The following WIPI1 variants were observed in gnomAD, a reference collection of about 807,000 sequenced individuals.
WIPI1 encodes WD repeat domain phosphoinositide-interacting protein 1.
WIPI1 carries 45 observed loss-of-function variants against 55.3 expected under a neutral mutation model. The observed-to-expected ratio is 0.81, with a 90% CI of 0.64 to 1.04. The LOEUF is 1.04. Ranked by LOEUF, WIPI1 falls within the 50% of genes least tolerant of loss-of-function variation. WIPI1 has a pLI of 0.00. For synonymous variants in WIPI1, 195 were observed against 217.6 expected, an observed-to-expected ratio of 0.90 and a Z score of 0.92; for missense variants, 445 against 559.0, an observed-to-expected ratio of 0.80 and a Z score of 2.06.
intron 3 of WIPI1, chr17:68,448,304 C>T (rs913624364): frequency 6.6e-6 from 1 of 152,196 alleles, no homozygotes; most frequent in African/African-American, 2.4e-5. Flanking sequence ...ACTTCCCAGA[C>T]CTGTTTCAAA....
intron 11 of WIPI1, 51 bp from the exon 12 acceptor site, chr17:68,426,226 G>T: frequency 8.0e-7 from 1 of 1,246,802 alleles, no homozygotes; most frequent in Non-Finnish European, 1.1e-6. Flanking sequence ...CTGCTTTTAT[G>T]CCATGACCTG....
At chr17:68,426,727 G>C (rs1450127385) in intron 11 of WIPI1, among the ~76,000 whole-genome samples, 2 of 152,092 alleles carry the variant, frequency 1.3e-5, no homozygotes, top group Non-Finnish European at 2.9e-5. Flanking sequence ...TAGAGATGGG[G>C]TTTCACCATG....
In WIPI1 at chr17:68,436,445, A is replaced by G; in HGVS notation, c.465T>C (p.Ser155=). The G allele has an allele frequency of 1.2e-6, 2 of 1,614,080 alleles. No individual in the cohort carries two copies. Among genetic ancestry groups the G allele is most frequent in the Non-Finnish European group, 1.7e-6 (2 of 1,179,966 alleles). ...TCAGGCTTCCAGGATAGGCCAGGTA[A>G]GAATTGGAATGGTTGATAGAGAGAG... ...LCALSINHSN[S]YLAYPGSLTS... The change falls in exon 5 of 13, where the codon TCT becomes TCC. Residue 155 remains serine, a synonymous_variant. Coordinates refer to ENST00000262139, the MANE Select transcript of WIPI1 (RefSeq NM_017983.7).
At chr17:68,424,110 G>A (rs1404687327) in intron 12 of WIPI1, among the ~76,000 whole-genome samples, 1 of 152,198 alleles carries the variant, frequency 6.6e-6, no homozygotes, top group Admixed American at 6.5e-5. Context: ...TTGGGGCCAT[G>A]AGAACCCAAA....
intron 3 of WIPI1, among the ~76,000 whole-genome samples, chr17:68,448,111 G>A (rs527980695): frequency 1.3e-5 from 2 of 151,902 alleles, no homozygotes; most frequent in Admixed American, 1.3e-4. Flanking sequence ...GGAAGTAGCA[G>A]ACTGAGTGCT....
Position 68,452,925 on chromosome 17 carries a change from G to C in WIPI1, c.148C>G (p.Gln50Glu). 6.2e-7 allele frequency: 1 copy of C among 1,613,964 alleles called. No homozygotes were observed. The change falls in exon 2 of 13, where the codon CAA (glutamine) becomes GAA (glutamate). Residue 50 changes from glutamine to glutamate, a missense_variant. Gln to Glu is a conservative substitution (Grantham distance 29, BLOSUM62 2). Transcript: ENST00000262139. ...ACACACTTACTGCTTCCGTGGACTT[G>C]ATCCAGCTGCTCCACAGAACTCAGA... ...FSLSSVEQLD[Q>E]VHGSNEIPDV... is the part of the protein sequence containing the mutation.
chr17:68,421,665 CT>C lies in WIPI1; in HGVS notation c.*107del. On this transcript the variant is annotated 3_prime_UTR_variant, in exon 13 of 13. Coordinates refer to ENST00000262139, the MANE Select transcript of WIPI1 (RefSeq NM_017983.7). ...TTAAGCAGTGGAGCACCCGGGATTC[CT>C]GCCCCCCTTTCTGCTCACACAATTG... 1 of 1,509,570 alleles carries C rather than the reference CT, an allele frequency of 6.6e-7. No individual in the cohort carries two copies. Among genetic ancestry groups the C allele is most frequent in the South Asian group, 1.1e-5 (1 of 88,818 alleles). 93.5% of individuals were successfully genotyped at this position (1,509,570 alleles called of 1,614,324 possible). A position where few individuals can be genotyped will look rare whatever the true frequency, so the allele number is the denominator to read the frequency against.
At chr17:68,437,005 A>ATATATATATATATAT in intron 4 of WIPI1, among the ~76,000 whole-genome samples, 1 of 107,264 alleles carries the variant, frequency 9.3e-6, no homozygotes, top group East Asian at 2.2e-4. Flanking sequence ...AAAAAAAAAA[A>ATATATATATATATAT]ATATATATAT....
At chr17:68,421,944 C>T in intron 12 of WIPI1, 124 bp from the exon 13 acceptor site, 1 of 1,221,252 alleles carries the variant, frequency 8.2e-7, no homozygotes, top group Non-Finnish European at 1.2e-6. Context: ...TGGAATTTTT[C>T]TGTCTGAACT....
At position 68,434,627 on chromosome 17, in the gene WIPI1, C is replaced by G; in HGVS notation, c.622-1G>C. 1.9e-6 allele frequency: 3 copies of G among 1,613,926 alleles called. No homozygotes were observed. The highest frequency in any genetic ancestry group is 2.5e-6 in the Non-Finnish European group (3 of 1,179,860). The stretch of plus-strand genomic sequence containing the variant: ...CAGAGAACACCCGGATGACTGTGCC[C>G]TGGAAAAGAAAGCAGGTGGACATTT... On this transcript the variant is annotated splice_acceptor_variant, in intron 6 of 12. Coordinates refer to ENST00000262139, the MANE Select transcript of WIPI1 (RefSeq NM_017983.7). LOFTEE classifies it high-confidence loss of function.
chr17:68,449,634 TCCTGCTCCTGCCACGTAAGACG>T (rs1313343163), intron 3 of WIPI1, among the ~76,000 whole-genome samples: 1 of 152,176 alleles, frequency 6.6e-6, no homozygotes, highest in Non-Finnish European at 1.5e-5. Context: ...CGTCTCTTGG[TCCTGCTCCTGCCACGTAAGACG>T]CCTGCTCCCG....
chr17:68,436,518 A>G (rs749686234), intron 4 of WIPI1, 39 bp from the exon 5 acceptor site: 2 of 1,592,980 alleles, frequency 1.3e-6, no homozygotes, highest in East Asian at 2.2e-5. Flanking sequence ...GCCTGGGGCC[A>G]AGGGAGAGAT....
intron 4 of WIPI1, among the ~76,000 whole-genome samples, chr17:68,437,948 T>TAA (rs199649033): frequency 6.1e-4 from 48 of 78,790 alleles, no homozygotes; most frequent in South Asian, 2.8e-3. Context: ...ACATCTCTCT[T>TAA]AAAAAAAAAA....
chr17:68,432,879 C>T (rs1450793430), intron 8 of WIPI1, among the ~76,000 whole-genome samples: 1 of 152,176 alleles, frequency 6.6e-6, no homozygotes, highest in African/African-American at 2.4e-5. Context: ...TTTTCCAACC[C>T]CCATTCTGCA....
chr17:68,433,776 T>TTTTTTTTTTG (rs2083641091), intron 7 of WIPI1, among the ~76,000 whole-genome samples: 1 of 63,124 alleles, frequency 1.6e-5, no homozygotes, highest in African/African-American at 5.1e-5. Context: ...TTTTTTTTTT[T>TTTTTTTTTTG]TTTTTTTTTT....
intron 1 of WIPI1, among the ~76,000 whole-genome samples, chr17:68,454,914 GTGAT>G (rs566929750): frequency 5.3e-4 from 80 of 151,616 alleles, no homozygotes; most frequent in African/African-American, 1.9e-3. Flanking sequence ...GATGTTTTAC[GTGAT>G]TGATCAATGG....
intron 6 of WIPI1, 106 bp downstream of exon 6, chr17:68,435,514 A>G: frequency 9.2e-7 from 1 of 1,091,364 alleles, no homozygotes; most frequent in East Asian, 2.4e-5. Flanking sequence ...GTGGGCCCAG[A>G]GACCAGTCAG....
chr17:68,444,611 A>G, intron 3 of WIPI1, 22 bp from the exon 4 acceptor site: 1 of 1,601,496 alleles, frequency 6.2e-7, no homozygotes, highest in Non-Finnish European at 8.5e-7. Context: ...CAGACTTATC[A>G]GTCTACCGAA....
chr17:68,425,801 C>T (rs2083130326), intron 12 of WIPI1: 2 of 368,836 alleles, frequency 5.4e-6, no homozygotes, highest in Non-Finnish European at 9.8e-6. Flanking sequence ...TAAGGGATCG[C>T]AGGCCTCTGG....
Sources: allele counts gnomAD v4.1 joint callset (sites outside exome capture counted in the v4.1 genomes callset), GRCh38; gene constraint gnomAD v4.1.1; transcripts MANE v1.5; gene names NCBI Gene and HGNC (gene_info 2026-07-23, HGNC 2026-07-21).